The following RYR2 variants were observed in gnomAD, a reference collection of about 807,000 sequenced individuals.
The protein encoded by RYR2 is ryanodine receptor 2.
RYR2 carries 227 observed loss-of-function variants against 601.1 expected under a neutral mutation model. That is an observed-to-expected ratio of 0.38 (90% CI 0.34 to 0.42). RYR2 has a LOEUF of 0.42. Among genes scored for constraint, RYR2 ranks in the 10% least tolerant of loss-of-function variants. RYR2 has a pLI of 1.00. For synonymous variants in RYR2, 2,223 were observed against 2,175.1 expected (o/e 1.02, Z -0.61); for missense variants, 4,646 against 6,156.5 (o/e 0.75, Z 8.21).
intron 17 of RYR2, among the ~76,000 whole-genome samples, chr1:237,475,081 A>G (rs1367648090): frequency 6.6e-6 from 1 of 152,248 alleles, no homozygotes; most frequent in Non-Finnish European, 1.5e-5. Flanking sequence ...CTTTACAAAT[A>G]CTAATAATTT....
intron 30 of RYR2, among the ~76,000 whole-genome samples, chr1:237,590,405 TGAA>T (rs1675023250): frequency 2.0e-5 from 3 of 152,170 alleles, no homozygotes; most frequent in African/African-American, 7.2e-5. Flanking sequence ...AATGTCAGGC[TGAA>T]TCTGAATATA....
chr1:237,072,203 C>T (rs1664437333), intron 1 of RYR2, among the ~76,000 whole-genome samples: 1 of 152,222 alleles, frequency 6.6e-6, no homozygotes, highest in Non-Finnish European at 1.5e-5. Flanking sequence ...ATGGGGCATG[C>T]CGCCCCGGTT....
chr1:237,603,399 T>A (rs77484439), intron 35 of RYR2, among the ~76,000 whole-genome samples: 4 of 152,160 alleles, frequency 2.6e-5, no homozygotes. Flanking sequence ...CTACTCTGAT[T>A]GTTTATTCAC....
chr1:237,479,360 C>T (rs1436036137), intron 17 of RYR2, among the ~76,000 whole-genome samples: 3 of 152,334 alleles, frequency 2.0e-5, no homozygotes. Flanking sequence ...TTACTTTACA[C>T]TTGCTAACTA....
At chr1:237,816,693 G>GA (rs35910763) in intron 100 of RYR2, among the ~76,000 whole-genome samples, 134 of 144,658 alleles carry the variant, frequency 9.3e-4, no homozygotes, top group African/African-American at 2.7e-3. Context: ...TATGTAGAAA[G>GA]AAAAAAAAAA....
intron 1 of RYR2, among the ~76,000 whole-genome samples, chr1:237,238,714 A>G (rs1685845548): frequency 6.6e-6 from 1 of 152,186 alleles, no homozygotes. Context: ...TGGCTAACCA[A>G]CACATCCAGG....
chr1:237,555,540 T>C (rs1670797415), intron 27 of RYR2, among the ~76,000 whole-genome samples: 1 of 152,164 alleles, frequency 6.6e-6, no homozygotes, highest in South Asian at 2.1e-4. Flanking sequence ...TGAATATTTA[T>C]ATTTTGGTAT....
At chr1:237,434,035 GT>G (rs1707106330) in intron 12 of RYR2, among the ~76,000 whole-genome samples, 1 of 152,138 alleles carries the variant, frequency 6.6e-6, no homozygotes, top group South Asian at 2.1e-4. Context: ...TTTCATCTGG[GT>G]TTAGGAGTTT....
intron 1 of RYR2, among the ~76,000 whole-genome samples, chr1:237,124,762 G>A (rs1213785887): frequency 6.6e-6 from 1 of 152,068 alleles, no homozygotes; most frequent in East Asian, 1.9e-4. Flanking sequence ...ATTATGATGT[G>A]GGCCCTTTTT....
intron 101 of RYR2, 96 bp from the exon 102 acceptor site, chr1:237,828,285 T>C: frequency 2.6e-6 from 2 of 780,310 alleles, no homozygotes; most frequent in Non-Finnish European, 4.3e-6. Flanking sequence ...TTTTGCAAGG[T>C]AGTTGTACAT....
At chr1:237,824,462 C>T (rs924446729) in intron 101 of RYR2, among the ~76,000 whole-genome samples, 16 of 152,000 alleles carry the variant, frequency 1.1e-4, no homozygotes, top group South Asian at 4.2e-4. Flanking sequence ...AAAAGGCCTT[C>T]GACAAAATTC....
At chr1:237,531,642 C>G (rs564809995) in intron 25 of RYR2, among the ~76,000 whole-genome samples, 1 of 152,146 alleles carries the variant, frequency 6.6e-6, no homozygotes, top group Non-Finnish European at 1.5e-5. Context: ...AAGCAAGTCT[C>G]TAGTTCAACA....
intron 14 of RYR2, among the ~76,000 whole-genome samples, chr1:237,450,791 G>A (rs1657992571): frequency 6.6e-6 from 1 of 152,108 alleles, no homozygotes. Flanking sequence ...TTTTAACAAT[G>A]TCTCTCCCTT....
intron 10 of RYR2, among the ~76,000 whole-genome samples, chr1:237,398,745 T>C (rs1703078117): frequency 6.6e-6 from 1 of 152,264 alleles, no homozygotes; most frequent in Non-Finnish European, 1.5e-5. Flanking sequence ...TGGGCATTTA[T>C]TCTAAAGAAT....
Position 237,771,071 on chromosome 1 carries a change from G to A in RYR2, c.11557+184G>A, listed in dbSNP as rs948386199. Reference sequence around the variant, plus strand: ...TTGCTTCCCTGCTTTCACAGTCCTCGGATATCCATTTCACTTGAGTCTTAT... The same window carrying A: ...TTGCTTCCCTGCTTTCACAGTCCTCAGATATCCATTTCACTTGAGTCTTAT... On this transcript the variant is annotated intron_variant, in intron 85 of 104. Transcript: ENST00000366574. 2.6e-5 allele frequency among the ~76,000 whole-genome samples: 4 copies of A among 152,172 alleles called. No homozygotes were observed. In the South Asian group the frequency reaches 6.2e-4, roughly 24 times the overall value.
rs755839298 is a variant in RYR2 at position 237,649,883 on chromosome 1, T to C, written c.7519T>C (p.Leu2507=). The C allele has an allele frequency of 1.9e-6, 3 of 1,613,258 alleles. No homozygotes were observed. The African/African-American group carries it at 4.0e-5, about 21-fold the overall frequency. ...CTCTCTGATTCTTTTTCAGGCAGCTTTGAGTGCTACAGACATGGCCTTGGC... is the reference window on the plus strand; with the variant it reads ...CTCTCTGATTCTTTTTCAGGCAGCTCTGAGTGCTACAGACATGGCCTTGGC... ...RAAASLDTAA[L]SATDMALALN... Residue 2507 remains leucine (L), a synonymous_variant, in exon 50 of 105, where the codon TTG becomes CTG. Coordinates refer to ENST00000366574, the MANE Select transcript of RYR2 (RefSeq NM_001035.3).
chr1:237,127,474 C>A (rs565191520), intron 1 of RYR2, among the ~76,000 whole-genome samples: 12 of 151,050 alleles, frequency 7.9e-5, no homozygotes, highest in African/African-American at 2.7e-4. Flanking sequence ...CTGACCCCCC[C>A]ACCTCCTTCC....
chr1:237,784,452 C>G lies in RYR2; in HGVS notation c.12740C>G (p.Ala4247Gly), dbSNP rs1282499546. The G allele has an allele frequency of 6.2e-7, 1 of 1,613,540 alleles. No individual in the cohort carries two copies. Among genetic ancestry groups the G allele is most frequent in the South Asian group, 1.1e-5 (1 of 91,028 alleles). ...SILTVRSALF[A>G]LRYNILTLMR... ...CTGACGGTCAGGTCGGCCCTGTTTG[C>G]GCTCAGGTACAATATCTTGACCCTT... The change falls in exon 90 of 105, where the codon GCG (alanine) becomes GGG (glycine). Residue 4247 changes from alanine to glycine, a missense_variant. Coordinates refer to ENST00000366574, the MANE Select transcript of RYR2 (RefSeq NM_001035.3). The surrounding 1 kb of genome is among the most constrained non-coding windows in gnomAD (Gnocchi z 7.1).
intron 4 of RYR2, among the ~76,000 whole-genome samples, chr1:237,360,315 GC>G (rs1438465598): frequency 6.6e-6 from 1 of 152,154 alleles, no homozygotes; most frequent in African/African-American, 2.4e-5. Context: ...TCAATGTGTT[GC>G]TTTTGATTTA....
Sources: gnomAD v4.1 joint callset for allele counts (sites outside exome capture counted in the v4.1 genomes callset) on GRCh38, gnomAD v4.1.1 for gene constraint, Gnocchi (gnomAD v3.1) non-coding constraint, MANE v1.5 for transcripts, NCBI Gene and HGNC (gene_info 2026-07-23, HGNC 2026-07-21) for gene names.